Variants in MAP3K3 observed in about 807,000 individuals in gnomAD.
MAP3K3 encodes MAP/ERK kinase kinase 3.
A neutral mutation model predicts 80.9 loss-of-function variants in MAP3K3; 12 were observed. The ratio of observed to expected loss-of-function variants is 0.15; its 90% CI spans 0.10 to 0.24. The LOEUF is 0.24. MAP3K3 is among the 10% of genes least tolerant of loss of function. MAP3K3 has a pLI of 1.00. For synonymous variants in MAP3K3, 272 were observed against 307.1 expected (o/e 0.89, Z 1.19); for missense variants, 596 against 834.7 (o/e 0.71, Z 3.52).
At chr17:63,657,934 A>T (rs2034806406) in intron 5 of MAP3K3, 27 bp downstream of exon 5, 1 of 1,306,636 alleles carries the variant, frequency 7.7e-7, no homozygotes, top group African/African-American at 1.5e-5. Context: ...ATGGTCTGGC[A>T]GCTGAAGACA....
At chr17:63,672,389 A>G (rs2035129704) in intron 6 of MAP3K3, among the ~76,000 whole-genome samples, 1 of 152,104 alleles carries the variant, frequency 6.6e-6, no homozygotes, top group Non-Finnish European at 1.5e-5. Flanking sequence ...ATCGCCTTTC[A>G]CTAAGACAGG....
At chr17:63,636,988 C>A in intron 2 of MAP3K3, 1 of 618,538 alleles carries the variant, frequency 1.6e-6, no homozygotes, top group Non-Finnish European at 3.1e-6. Flanking sequence ...GCTACGGTAT[C>A]CGGAAGCTGC....
Position 63,689,426 on chromosome 17 carries a change from C to A in MAP3K3, c.872-118C>A. 1.2e-6 allele frequency: 1 copy of A among 823,524 alleles called. No homozygotes were observed. Among genetic ancestry groups the A allele is most frequent in the Non-Finnish European group, 1.9e-6 (1 of 530,788 alleles). 51.0% of individuals were successfully genotyped at this position (823,524 alleles called of 1,614,324 possible). A position where few individuals can be genotyped will look rare whatever the true frequency, so the allele number is the denominator to read the frequency against. Reference sequence around the variant, plus strand: ...AGCTGGTATTATCTATCACTTCTGGCTGAGACCTGGTTTGTATATTCCGCC... The same window carrying A: ...AGCTGGTATTATCTATCACTTCTGGATGAGACCTGGTTTGTATATTCCGCC... On this transcript the variant is annotated intron_variant, in intron 10 of 15. Transcript: ENST00000361733. The surrounding 1 kb of genome is among the most constrained non-coding windows in gnomAD (Gnocchi z 4.3).
At chr17:63,650,144 T>G (rs947626238) in intron 3 of MAP3K3, among the ~76,000 whole-genome samples, 3 of 152,232 alleles carry the variant, frequency 2.0e-5, no homozygotes, top group Admixed American at 6.5e-5. Context: ...ATTGGGCATC[T>G]TTTCATGTGT....
At chr17:63,670,828 G>T (rs1227900422) in intron 6 of MAP3K3, among the ~76,000 whole-genome samples, 4 of 152,108 alleles carry the variant, frequency 2.6e-5, no homozygotes, top group Non-Finnish European at 5.9e-5. Flanking sequence ...TGGAGAGCTG[G>T]GAGCAAGGGG....
At chr17:63,659,477 T>C (rs893053937) in intron 5 of MAP3K3, among the ~76,000 whole-genome samples, 2 of 151,734 alleles carry the variant, frequency 1.3e-5, no homozygotes, top group African/African-American at 4.8e-5. Flanking sequence ...TCTAACTATA[T>C]GTGATGAAAT....
chr17:63,688,100 C>T, intron 8 of MAP3K3: 1 of 251,610 alleles, frequency 4.0e-6, no homozygotes, highest in South Asian at 4.8e-5. Flanking sequence ...TATTTGCTAC[C>T]TCACAGCGTT....
At chr17:63,654,774 C>T (rs572026447) in intron 4 of MAP3K3, among the ~76,000 whole-genome samples, 20 of 152,298 alleles carry the variant, frequency 1.3e-4, no homozygotes, top group African/African-American at 4.1e-4. Flanking sequence ...CAGTGACTCA[C>T]GCCTGTTAAT....
intron 2 of MAP3K3, chr17:63,636,966 T>A: frequency 1.6e-6 from 1 of 606,372 alleles, no homozygotes; most frequent in South Asian, 1.5e-5. Context: ...GCCTCCAAGC[T>A]GGTGCCCATG....
At chr17:63,645,925 A>G in intron 2 of MAP3K3, 109 bp from the exon 3 acceptor site, 1 of 774,136 alleles carries the variant, frequency 1.3e-6, no homozygotes. Flanking sequence ...AGGAGCCATC[A>G]GGGATGTATG....
chr17:63,691,334 A>G lies in MAP3K3; in HGVS notation c.1344+101A>G, dbSNP rs925646680. On this transcript the variant is annotated intron_variant, in intron 13 of 15. Transcript: ENST00000361733. The surrounding 1 kb of genome is among the most constrained non-coding windows in gnomAD (Gnocchi z 4.8). Reference sequence around the variant, plus strand: ...GGTCACCTTGGATAGGAGTTTGAACACCTGAGGCTCCAGAGGCCCAGAGGA... The same window carrying G: ...GGTCACCTTGGATAGGAGTTTGAACGCCTGAGGCTCCAGAGGCCCAGAGGA... 6.6e-7 allele frequency: 1 copy of G among 1,526,100 alleles called. No individual in the cohort carries two copies. The highest frequency in any genetic ancestry group is 1.4e-5 in the African/African-American group (1 of 72,958). 94.5% of individuals were successfully genotyped at this position (1,526,100 alleles called of 1,614,324 possible). A position where few individuals can be genotyped will look rare whatever the true frequency, so the allele number is the denominator to read the frequency against.
intron 5 of MAP3K3, among the ~76,000 whole-genome samples, chr17:63,665,385 T>C (rs920301485): frequency 6.6e-6 from 1 of 152,050 alleles, no homozygotes; most frequent in African/African-American, 2.4e-5. Flanking sequence ...CAGGATGGTC[T>C]TGATCTCCTG....
chr17:63,687,140 C>T (rs537224560), intron 8 of MAP3K3, among the ~76,000 whole-genome samples: 3 of 150,364 alleles, frequency 2.0e-5, no homozygotes, highest in South Asian at 2.1e-4. Flanking sequence ...CTGAGGCACG[C>T]GGATCACCTG....
In MAP3K3 at chr17:63,688,892, C is replaced by T. The variant is rs374032639; in HGVS notation, c.871+11C>T. The T allele has an allele frequency of 2.5e-6, 4 of 1,600,774 alleles. No individual in the cohort carries two copies. The African/African-American group carries it at 4.0e-5, about 16-fold the overall frequency. On this transcript the variant is annotated intron_variant, in intron 10 of 15. Transcript: ENST00000361733. ...AGGACTACAGTGATGGTGAGTTCTTCTTCACCTGCTCCCTGCTGGCTGCCT... is the reference window on the plus strand; with the variant it reads ...AGGACTACAGTGATGGTGAGTTCTTTTTCACCTGCTCCCTGCTGGCTGCCT...
intron 6 of MAP3K3, among the ~76,000 whole-genome samples, chr17:63,667,609 A>G (rs534045656): frequency 2.6e-5 from 4 of 152,156 alleles, no homozygotes; most frequent in Non-Finnish European, 5.9e-5. Context: ...TGTGGATGCC[A>G]AGGTCTGTGG....
At chr17:63,649,512 C>G (rs2034607856) in intron 3 of MAP3K3, among the ~76,000 whole-genome samples, 1 of 152,062 alleles carries the variant, frequency 6.6e-6, no homozygotes, top group African/African-American at 2.4e-5. Flanking sequence ...CTCCACCTCC[C>G]AGGCTCAAGC....
rs2035538167 is a variant in MAP3K3 at position 63,689,561 on chromosome 17, C to G, written c.889C>G (p.Arg297Gly). 1 of 1,613,134 alleles carries G rather than the reference C, an allele frequency of 6.2e-7. No homozygotes were observed. Among genetic ancestry groups the G allele is most frequent in the Non-Finnish European group, 8.5e-7 (1 of 1,179,534 alleles). Residue 297 changes from arginine to glycine, a missense_variant, in exon 11 of 16, where the codon CGA (arginine) becomes GGA (glycine). Coordinates refer to ENST00000361733, the MANE Select transcript of MAP3K3 (RefSeq NM_002401.5). The surrounding 1 kb of genome is among the most constrained non-coding windows in gnomAD (Gnocchi z 4.3). The part of the protein sequence containing the change: ...DYSDGRRTFP[R>G]IRRHQGNLFT... Reference sequence around the variant, plus strand: ...CCTTTCAGGCAGAAGAACATTTCCCCGAATACGGCGTCATCAAGGCAACTT... The same window carrying G: ...CCTTTCAGGCAGAAGAACATTTCCCGGAATACGGCGTCATCAAGGCAACTT...
In MAP3K3 at chr17:63,667,025, A is replaced by G; in HGVS notation, c.467A>G (p.Gln156Arg). The G allele has an allele frequency of 6.2e-7, 1 of 1,611,078 alleles. No individual in the cohort carries two copies. Among genetic ancestry groups the G allele is most frequent in the Non-Finnish European group, 8.5e-7 (1 of 1,179,340 alleles). The change falls in exon 6 of 16, where the codon CAG becomes CGG. Residue 156 changes from glutamine (Q) to arginine (R), a missense_variant. Physicochemically the swap from Gln to Arg is conservative, Grantham distance 43. Transcript: ENST00000361733. The part of the protein sequence containing the change: ...QSAGDINTIY[Q>R]PPEPRSRHLS... ...GCAGGGGATATAAATACTATCTACC[A>G]GCCCCCCGAGCCCAGAAGCAGGCAC... is the stretch of plus-strand genomic sequence containing the variant.
chr17:63,654,033 AT>A (rs530416338), intron 4 of MAP3K3, among the ~76,000 whole-genome samples: 1 of 151,856 alleles, frequency 6.6e-6, no homozygotes, highest in Non-Finnish European at 1.5e-5. Context: ...CACCCAGCTA[AT>A]TTTTTTGTAT....
Sources: gnomAD v4.1 joint callset for allele counts (sites outside exome capture counted in the v4.1 genomes callset) on GRCh38, gnomAD v4.1.1 for gene constraint, Gnocchi (gnomAD v3.1) non-coding constraint, MANE v1.5 for transcripts, NCBI Gene and HGNC (gene_info 2026-07-23, HGNC 2026-07-21) for gene names.